The following SPIDR variants were observed in gnomAD, a reference collection of about 807,000 sequenced individuals.
SPIDR encodes the protein DNA repair-scaffolding protein.
Under a neutral mutation model 104.6 loss-of-function variants are expected in SPIDR, and 93 were observed. That is an observed-to-expected ratio of 0.89 (90% CI 0.75 to 1.06). The LOEUF is 1.06. SPIDR is among the 50% of genes least tolerant of loss of function. SPIDR has a pLI of 0.00. For missense variants in SPIDR, 1,154 were observed against 1,111.2 expected (o/e 1.04, Z -0.55); for synonymous variants, 431 against 416.9 (o/e 1.03, Z -0.41).
At chr8:47,328,989 C>T in intron 5 of SPIDR, among the ~76,000 whole-genome samples, 1 of 152,002 alleles carries the variant, frequency 6.6e-6, no homozygotes, top group African/African-American at 2.4e-5. Flanking sequence ...TCATGGCAAA[C>T]TCCACTTCCT....
chr8:47,569,290 G>C (rs2058250034), intron 8 of SPIDR, among the ~76,000 whole-genome samples: 1 of 152,116 alleles, frequency 6.6e-6, no homozygotes, highest in South Asian at 2.1e-4. Flanking sequence ...AGAGTCAAAG[G>C]GAGAAATAGA....
intron 8 of SPIDR, among the ~76,000 whole-genome samples, chr8:47,553,087 G>GC (rs1398677431): frequency 1.3e-5 from 2 of 152,066 alleles, no homozygotes; most frequent in Non-Finnish European, 2.9e-5. Flanking sequence ...TTGAATATCG[G>GC]CCCCCACTCT....
chr8:47,667,440 GAAAAAAA>G (rs528607871), intron 10 of SPIDR, among the ~76,000 whole-genome samples: 5 of 52,634 alleles, frequency 9.5e-5, no homozygotes, highest in East Asian at 5.5e-4. Context: ...CTTCAAAAGG[GAAAAAAA>G]AAAAAAAAAA....
chr8:47,557,364 G>A (rs867311552), intron 8 of SPIDR, among the ~76,000 whole-genome samples: 2 of 152,124 alleles, frequency 1.3e-5, no homozygotes, highest in Admixed American at 6.6e-5. Context: ...TAGAGAAGGC[G>A]CCTGTCCAGG....
chr8:47,584,997 T>A (rs931326048), intron 8 of SPIDR, among the ~76,000 whole-genome samples: 6 of 152,110 alleles, frequency 3.9e-5, no homozygotes, highest in Non-Finnish European at 8.8e-5. Flanking sequence ...ATTGGAAAAA[T>A]TATATGGAAA....
At position 47,599,063 on chromosome 8, in the gene SPIDR, A is replaced by G. The variant is rs199756413; in HGVS notation, c.1411A>G (p.Ser471Gly). ...GGATTCTCTCCTGGATGTGGTGGAA[A>G]GCCAGGGAGCTGCCTCGTGGCCAGG... ...LRDSLLDVVE[S>G]QGAASWPGAG... Residue 471 changes from serine (S) to glycine (G), a missense_variant, in exon 10 of 20, where the codon AGC (serine) becomes GGC (glycine). Transcript: ENST00000297423. 6.2e-7 allele frequency: 1 copy of G among 1,613,026 alleles called. No homozygotes were observed. Among genetic ancestry groups the G allele is most frequent in the Non-Finnish European group, 8.5e-7 (1 of 1,179,494 alleles).
chr8:47,560,372 C>G (rs2056907751), intron 8 of SPIDR, among the ~76,000 whole-genome samples: 1 of 152,222 alleles, frequency 6.6e-6, no homozygotes, highest in African/African-American at 2.4e-5. Context: ...CTCACCAGCT[C>G]CATCCTTGTG....
At chr8:47,262,536 A>C (rs532164199) in intron 1 of SPIDR, among the ~76,000 whole-genome samples, 2 of 152,214 alleles carry the variant, frequency 1.3e-5, no homozygotes, top group African/African-American at 4.8e-5. Context: ...TCCAGTTCCA[A>C]GCTCACTCAC....
chr8:47,565,770 A>G (rs1033278894), intron 8 of SPIDR, among the ~76,000 whole-genome samples: 2 of 150,574 alleles, frequency 1.3e-5, no homozygotes, highest in African/African-American at 4.9e-5. Context: ...ATATTTACAT[A>G]ATATTTCTTC....
At chr8:47,396,661 T>A (rs782808722) in intron 6 of SPIDR, 35 bp downstream of exon 6, 36 of 1,545,942 alleles carry the variant, frequency 2.3e-5, no homozygotes, top group Non-Finnish European at 3.0e-5. Context: ...TCTTTTTAAA[T>A]TTTTCTCTTT....
chr8:47,422,500 C>A (rs1407926845), intron 7 of SPIDR, among the ~76,000 whole-genome samples: 1 of 152,212 alleles, frequency 6.6e-6, no homozygotes, highest in Non-Finnish European at 1.5e-5. Context: ...TTCCAGGTGC[C>A]ATCTGTCACC....
chr8:47,440,629 C>A, intron 8 of SPIDR, 87 bp downstream of exon 8: 1 of 1,375,208 alleles, frequency 7.3e-7, no homozygotes, highest in Non-Finnish European at 9.9e-7. Flanking sequence ...ATTTTTGTCA[C>A]TTTATCATAG....
intron 10 of SPIDR, among the ~76,000 whole-genome samples, chr8:47,656,566 T>C (rs1416493902): frequency 6.6e-6 from 1 of 152,186 alleles, no homozygotes; most frequent in African/African-American, 2.4e-5. Context: ...CTAGTGAGAA[T>C]GCAAAATGTT....
At chr8:47,310,170 T>A (rs1259690696) in intron 5 of SPIDR, among the ~76,000 whole-genome samples, 5 of 145,122 alleles carry the variant, frequency 3.4e-5, no homozygotes, top group African/African-American at 5.1e-5. Context: ...CCGTCTCTAC[T>A]AAAAATACAA....
chr8:47,349,314 T>C (rs2052911958), intron 5 of SPIDR, among the ~76,000 whole-genome samples: 1 of 152,204 alleles, frequency 6.6e-6, no homozygotes, highest in Non-Finnish European at 1.5e-5. Flanking sequence ...ACAGCAAATG[T>C]TGCTGCCTGA....
At chr8:47,315,558 A>G (rs1182574787) in intron 5 of SPIDR, among the ~76,000 whole-genome samples, 1 of 152,138 alleles carries the variant, frequency 6.6e-6, no homozygotes, top group Non-Finnish European at 1.5e-5. Flanking sequence ...CGTTTATATG[A>G]AGATAGAAAG....
chr8:47,735,192 G>T (rs137962008), intron 19 of SPIDR, 115 bp from the exon 20 acceptor site: 5 of 911,060 alleles, frequency 5.5e-6, no homozygotes, highest in African/African-American at 3.3e-5. Flanking sequence ...TTGAGGAGTG[G>T]AAGGTCGTGG....
intron 8 of SPIDR, among the ~76,000 whole-genome samples, chr8:47,587,350 G>T (rs557622301): frequency 6.6e-5 from 10 of 152,064 alleles, no homozygotes; most frequent in Admixed American, 5.9e-4. Context: ...CTGCGCACAG[G>T]GGCCTATTTC....
At chr8:47,501,391 T>C (rs1286307211) in intron 8 of SPIDR, among the ~76,000 whole-genome samples, 1 of 152,136 alleles carries the variant, frequency 6.6e-6, no homozygotes, top group African/African-American at 2.4e-5. Context: ...AGGTATTTTA[T>C]TCTCTTTGAA....
Sources: allele counts gnomAD v4.1 joint callset (sites outside exome capture counted in the v4.1 genomes callset), GRCh38; gene constraint gnomAD v4.1.1; transcripts MANE v1.5; gene names NCBI Gene and HGNC (gene_info 2026-07-23, HGNC 2026-07-21).